Variants in PC observed in about 807,000 individuals in gnomAD.
PC encodes the protein pyruvate carboxylase, mitochondrial.
A neutral mutation model predicts 107.8 loss-of-function variants in PC; 46 were observed. That is an observed-to-expected ratio of 0.43 (90% confidence interval 0.34 to 0.55). The LOEUF (loss-of-function observed/expected upper bound fraction) is 0.55. Ranked by LOEUF, PC falls within the 20% of genes least tolerant of loss-of-function variation. The pLI is 0.04. For synonymous variants in PC, 662 were observed against 684.7 expected, an observed-to-expected ratio of 0.97 and a Z score of 0.52; for missense variants, 1,241 against 1,643.1, an observed-to-expected ratio of 0.76 and a Z score of 4.23.
intron 3 of PC, among the ~76,000 whole-genome samples, chr11:66,904,904 G>A (rs1007812652): frequency 4.6e-5 from 7 of 152,190 alleles, no homozygotes; most frequent in Admixed American, 1.3e-4. Context: ...CTGTTAGTCC[G>A]TCTACAAAAC....
At chr11:66,910,908 G>A (rs1948316074) in intron 3 of PC, among the ~76,000 whole-genome samples, 1 of 152,140 alleles carries the variant, frequency 6.6e-6, no homozygotes, top group African/African-American at 2.4e-5. Context: ...TTGAGCTCTG[G>A]GAACTGTGTT....
At chr11:66,916,316 G>A (rs1948461655) in intron 3 of PC, among the ~76,000 whole-genome samples, 1 of 152,142 alleles carries the variant, frequency 6.6e-6, no homozygotes, top group East Asian at 1.9e-4. Context: ...CACCTCCTGG[G>A]CGCAGGTGAT....
intron 10 of PC, among the ~76,000 whole-genome samples, chr11:66,867,649 C>T (rs572287752): frequency 2.6e-5 from 4 of 152,320 alleles, no homozygotes; most frequent in South Asian, 2.1e-4. Flanking sequence ...CCAGGCTCCA[C>T]GTGGCTTGGG....
At chr11:66,952,070 CCA>C (rs759119415) in intron 3 of PC, among the ~76,000 whole-genome samples, 33 of 152,146 alleles carry the variant, frequency 2.2e-4, no homozygotes, top group Non-Finnish European at 5.9e-5. Flanking sequence ...CCACCTCACA[CCA>C]CAGCTGCCTG....
intron 12 of PC, among the ~76,000 whole-genome samples, chr11:66,861,614 G>A (rs1362233888): frequency 1.4e-5 from 2 of 141,586 alleles, no homozygotes; most frequent in African/African-American, 2.6e-5. Context: ...GGGAGCGAAC[G>A]CCATGGAGGA....
At chr11:66,900,211 T>C (rs1257861481) in intron 3 of PC, among the ~76,000 whole-genome samples, 1 of 144,926 alleles carries the variant, frequency 6.9e-6, no homozygotes, top group Non-Finnish European at 1.5e-5. Context: ...GACGGAGTCT[T>C]GCTCTGTTGC....
At chr11:66,868,710 T>A (rs1946601320) in intron 10 of PC, 136 bp downstream of exon 10, 2 of 713,404 alleles carry the variant, frequency 2.8e-6, no homozygotes, top group Admixed American at 4.0e-5. Flanking sequence ...AAACACTAAG[T>A]ACCTGGATCC....
intron 3 of PC, among the ~76,000 whole-genome samples, chr11:66,930,596 G>A (rs1015934340): frequency 6.6e-6 from 1 of 152,202 alleles, no homozygotes; most frequent in East Asian, 1.9e-4. Flanking sequence ...ACAAAAATTG[G>A]TTGGGCATGG....
chr11:66,877,585 T>C lies in PC; in HGVS notation c.1-5426A>G, dbSNP rs1019083654. 3.9e-5 allele frequency among the ~76,000 whole-genome samples: 6 copies of C among 152,210 alleles called. 1 individual carries two copies. Among genetic ancestry groups the C allele is most frequent in the African/African-American group, 1.4e-4 (6 of 41,450 alleles). On this transcript the variant is annotated intron_variant, in intron 3 of 22. Coordinates refer to ENST00000393960, the MANE Select transcript of PC (RefSeq NM_001040716.2). ...GGGTTATGCCCCTGAGCCCAGTCAT[T>C]ACTATTCCAGAAATCCAACCCCAGG...
chr11:66,849,314 C>T lies in PC; in HGVS notation c.3204G>A (p.Leu1068=), dbSNP rs1453957626. ...LHIKALAVSD[L]NRAGQRQVFF... is the part of the protein sequence containing the mutation. ...AGACCTGCCTCTGGCCGGCCCGGTT[C>T]AGGTCGCTCACGGCCAGGGCTTTGA... is the stretch of plus-strand genomic sequence containing the variant. Residue 1068 remains leucine (L), a synonymous_variant, in exon 22 of 23, where the codon CTG becomes CTA. Coordinates refer to ENST00000393960, the MANE Select transcript of PC (RefSeq NM_001040716.2). 6.2e-7 allele frequency: 1 copy of T among 1,613,628 alleles called. No individual in the cohort carries two copies. The highest frequency in any genetic ancestry group is 2.2e-5 in the East Asian group (1 of 44,888).
At chr11:66,913,077 TTC>T (rs1272251193) in intron 3 of PC, among the ~76,000 whole-genome samples, 1 of 152,098 alleles carries the variant, frequency 6.6e-6, no homozygotes, top group Non-Finnish European at 1.5e-5. Context: ...GGGAATGAAT[TTC>T]TCATTGGAGA....
rs1237667674 is a variant in PC, at chr11:66,858,604, C to T, written c.1368+5170G>A. On this transcript the variant is annotated intron_variant, in intron 12 of 22. Transcript: ENST00000393960. The surrounding 1 kb of genome is among the most constrained non-coding windows in gnomAD (Gnocchi z 5.9). ...GAGCCGCCCCTCATTGCCCGCCACA[C>T]GCAGCGCCTCTGGGTGCTGGAAGGC... 3.9e-6 allele frequency: 6 copies of T among 1,535,030 alleles called. No individual in the cohort carries two copies. The highest frequency in any genetic ancestry group is 2.4e-5 in the East Asian group (1 of 40,860).
intron 3 of PC, among the ~76,000 whole-genome samples, chr11:66,931,734 G>C (rs1948859403): frequency 6.6e-6 from 1 of 152,106 alleles, no homozygotes; most frequent in African/African-American, 2.4e-5. Flanking sequence ...ATATGTTTCT[G>C]TAGCCGGGCG....
intron 3 of PC, among the ~76,000 whole-genome samples, chr11:66,874,986 C>T (rs1204628148): frequency 1.3e-5 from 2 of 152,138 alleles, no homozygotes; most frequent in Non-Finnish European, 2.9e-5. Flanking sequence ...GTGAAGTTCT[C>T]AGGAAGAACA....
In PC at chr11:66,870,667, C is replaced by T. The variant is rs1007536619; in HGVS notation, c.751+108G>A. 4.0e-5 allele frequency: 50 copies of T among 1,256,574 alleles called. No individual in the cohort carries two copies. Among genetic ancestry groups the T allele is most frequent in the Middle Eastern group, 1.8e-4 (1 of 5,408 alleles). 77.8% of individuals were successfully genotyped at this position (1,256,574 alleles called of 1,614,324 possible). ...TTCCAGAGTCCTCTGGAAAAGCGCC[C>T]GACAGGCCCCAGGGCTGTCCCCAAG... On this transcript the variant is annotated intron_variant, in intron 8 of 22. Transcript: ENST00000393960. This position sits in a 1 kb window ranked among gnomAD's most constrained non-coding sequence, Gnocchi z 6.1.
chr11:66,934,372 TTA>T (rs1051890014), intron 3 of PC: 1 of 153,150 alleles, frequency 6.5e-6, no homozygotes, highest in African/African-American at 2.4e-5. Context: ...TGAACGTGTG[TTA>T]TTTCATTTGT....
chr11:66,946,955 CT>C (rs947999115), intron 3 of PC, among the ~76,000 whole-genome samples: 3 of 152,010 alleles, frequency 2.0e-5, no homozygotes, highest in African/African-American at 7.3e-5. Flanking sequence ...CACCATATAC[CT>C]TTTTAAATGG....
chr11:66,916,301 GTCT>G, intron 3 of PC, among the ~76,000 whole-genome samples: 1 of 152,270 alleles, frequency 6.6e-6, no homozygotes, highest in Admixed American at 6.5e-5. Context: ...GCCCAGGCTG[GTCT>G]TCACCTCCTG....
intron 12 of PC, chr11:66,860,160 G>A (rs1402122380): frequency 6.5e-7 from 1 of 1,548,564 alleles, no homozygotes; most frequent in Admixed American, 2.0e-5. Flanking sequence ...GGGGGTAGGA[G>A]GCAGCGCCGA....
Sources: gnomAD v4.1 joint callset for allele counts (sites outside exome capture counted in the v4.1 genomes callset) on GRCh38, gnomAD v4.1.1 for gene constraint, Gnocchi (gnomAD v3.1) non-coding constraint, MANE v1.5 for transcripts, NCBI Gene and HGNC (gene_info 2026-07-23, HGNC 2026-07-21) for gene names.